The following SPAG17 variants were observed in gnomAD, a reference collection of about 807,000 sequenced individuals.
The protein encoded by SPAG17 is sperm associated antigen 17.
A neutral mutation model predicts 273.6 loss-of-function variants in SPAG17; 169 were observed. That is an observed-to-expected ratio of 0.62 (90% CI 0.55 to 0.70). The LOEUF (loss-of-function observed/expected upper bound fraction) is 0.70, where lower values mean the gene tolerates loss of function less well. Among genes scored for constraint, SPAG17 ranks in the 30% least tolerant of loss-of-function variants. The probability of loss-of-function intolerance (pLI) is 0.00; values close to 1 mark genes in which losing one functional copy is unlikely to be tolerated. For missense variants in SPAG17, 2,557 were observed against 2,627.8 expected (o/e 0.97, Z 0.59); for synonymous variants, 825 against 873.2 (o/e 0.94, Z 0.97).
chr1:118,054,594 C>T (rs1455175283), intron 19 of SPAG17, among the ~76,000 whole-genome samples: 2 of 152,028 alleles, frequency 1.3e-5, no homozygotes, highest in East Asian at 3.9e-4. Context: ...TTGGTCTTTT[C>T]AGTAGAATTA....
chr1:118,028,101 T>C (rs1268745558), intron 26 of SPAG17, among the ~76,000 whole-genome samples, 173 bp downstream of exon 26: 5 of 152,212 alleles, frequency 3.3e-5, no homozygotes, highest in Non-Finnish European at 7.4e-5. Flanking sequence ...TTTTGACATA[T>C]ATACTAAGTA....
intron 1 of SPAG17, among the ~76,000 whole-genome samples, chr1:118,175,314 G>A (rs1660640350): frequency 6.6e-6 from 1 of 152,154 alleles, no homozygotes; most frequent in South Asian, 2.1e-4. Context: ...ACAGGCGTGA[G>A]CCACTGCGCC....
intron 7 of SPAG17, among the ~76,000 whole-genome samples, chr1:118,095,097 T>C (rs1302763429): frequency 1.3e-5 from 2 of 152,220 alleles, no homozygotes; most frequent in Admixed American, 6.5e-5. Flanking sequence ...TAAAATAATT[T>C]TTCTGAACTT....
chr1:118,073,805 T>C, intron 17 of SPAG17, 49 bp downstream of exon 17: 1 of 1,261,356 alleles, frequency 7.9e-7, no homozygotes, highest in Admixed American at 2.4e-5. Flanking sequence ...CACAGCAGAC[T>C]CTCCAGACCT....
Position 118,091,626 on chromosome 1 carries a change from G to A in SPAG17, c.1339C>T (p.Leu447=), listed in dbSNP as rs1367209339. Residue 447 remains leucine (L), a synonymous_variant, in exon 10 of 49, where the codon CTG becomes TTG. Transcript: ENST00000336338. Reference sequence around the variant, plus strand: ...CCCACCTGTTCCAGCATACAATGCAGTATCAGGGGCACAGAAATGAATTCC... The same window carrying A: ...CCCACCTGTTCCAGCATACAATGCAATATCAGGGGCACAGAAATGAATTCC... ...REEFISVPLI[L]HCMLEQVVAT... 6.2e-7 allele frequency: 1 copy of A among 1,608,792 alleles called. No individual in the cohort carries two copies.
Position 118,028,267 on chromosome 1 carries a change from C to T in SPAG17, c.3730+7G>A, listed in dbSNP as rs779576341. ...TGCTTCCCCACCCTACCCCATATAG[C>T]ACTTACCTGTAGATTCTTGTCCAAT... On this transcript the variant is annotated splice_region_variant and intron_variant, in intron 26 of 48. Transcript: ENST00000336338. The T allele has an allele frequency of 4.3e-6, 7 of 1,612,732 alleles. No individual in the cohort carries two copies. The Admixed American group carries it at 1.0e-4, about 23-fold the overall frequency.
At chr1:118,060,590 A>T (rs1483422178) in intron 18 of SPAG17, among the ~76,000 whole-genome samples, 2 of 152,190 alleles carry the variant, frequency 1.3e-5, no homozygotes, top group Non-Finnish European at 2.9e-5. Context: ...AGTATCCTGA[A>T]TTTGACTGTA....
chr1:118,062,158 G>C (rs1057388789), intron 18 of SPAG17, among the ~76,000 whole-genome samples: 1 of 151,910 alleles, frequency 6.6e-6, no homozygotes, highest in Non-Finnish European at 1.5e-5. Flanking sequence ...ACGAGGTCAG[G>C]AGATCGAGAC....
intron 18 of SPAG17, among the ~76,000 whole-genome samples, chr1:118,064,477 A>G (rs992822688): frequency 6.6e-6 from 1 of 151,206 alleles, no homozygotes; most frequent in African/African-American, 2.4e-5. Context: ...TCAGCAAACT[A>G]TCACAAGGAC....
chr1:118,148,507 CTGCTGATTGGTCCATTTTACAGAG>C (rs1659191170), intron 3 of SPAG17, among the ~76,000 whole-genome samples: 2 of 133,700 alleles, frequency 1.5e-5, no homozygotes, highest in South Asian at 5.7e-4. Flanking sequence ...ATTTTACAGA[CTGCTGATTGGTCCATTTTACAGAG>C]TGCTGATTGG....
intron 3 of SPAG17, among the ~76,000 whole-genome samples, chr1:118,139,259 G>A (rs1353537558): frequency 6.6e-6 from 1 of 152,168 alleles, no homozygotes; most frequent in Non-Finnish European, 1.5e-5. Context: ...AAACCATAAT[G>A]TGGTATCATC....
chr1:118,183,364 T>C (rs1661035362), intron 1 of SPAG17, among the ~76,000 whole-genome samples: 1 of 152,162 alleles, frequency 6.6e-6, no homozygotes, highest in Non-Finnish European at 1.5e-5. Context: ...GGCACGCCTC[T>C]GGGCATTGAA....
chr1:118,020,775 C>T (rs1014230514), intron 28 of SPAG17, among the ~76,000 whole-genome samples: 1 of 152,076 alleles, frequency 6.6e-6, no homozygotes, highest in Non-Finnish European at 1.5e-5. Flanking sequence ...ATAAGGCCTG[C>T]TGTCTGTTTT....
At chr1:118,140,649 C>A (rs1433702868) in intron 3 of SPAG17, among the ~76,000 whole-genome samples, 2 of 152,160 alleles carry the variant, frequency 1.3e-5, no homozygotes, top group Admixed American at 1.3e-4. Context: ...TCTAAATATT[C>A]TCCTTGAATC....
intron 1 of SPAG17, among the ~76,000 whole-genome samples, chr1:118,172,911 T>C (rs1345975620): frequency 6.6e-6 from 1 of 152,204 alleles, no homozygotes; most frequent in East Asian, 1.9e-4. Flanking sequence ...CATAAGCTTC[T>C]AGAGGGAATG....
intron 3 of SPAG17, among the ~76,000 whole-genome samples, chr1:118,117,464 A>G (rs1657154319): frequency 6.6e-6 from 1 of 152,230 alleles, no homozygotes; most frequent in African/African-American, 2.4e-5. Context: ...TTTGCAGGTC[A>G]TAATAGTTAT....
chr1:118,046,928 G>A (rs566323732), intron 20 of SPAG17, among the ~76,000 whole-genome samples: 1 of 152,178 alleles, frequency 6.6e-6, no homozygotes, highest in African/African-American at 2.4e-5. Flanking sequence ...TATAAAATAG[G>A]TTAGTTGAAG....
At chr1:118,002,726 C>T (rs1557891673) in intron 32 of SPAG17, among the ~76,000 whole-genome samples, 1 of 152,092 alleles carries the variant, frequency 6.6e-6, no homozygotes, top group East Asian at 1.9e-4. Flanking sequence ...TGTCTTTGCA[C>T]ATGAGATGGG....
chr1:118,039,838 T>C (rs1335030728), intron 22 of SPAG17, among the ~76,000 whole-genome samples: 1 of 152,138 alleles, frequency 6.6e-6, no homozygotes, highest in African/African-American at 2.4e-5. Flanking sequence ...TGCTTAGAGA[T>C]GTCACCTCTA....
Sources: allele counts gnomAD v4.1 joint callset (sites outside exome capture counted in the v4.1 genomes callset), GRCh38; gene constraint gnomAD v4.1.1; transcripts MANE v1.5; gene names NCBI Gene and HGNC (gene_info 2026-07-23, HGNC 2026-07-21).